TENM3: variants seen among roughly 807,000 people sequenced by gnomAD.
TENM3 encodes the protein teneurin transmembrane protein 3, also known as teneurin-3.
Under a neutral mutation model 255.1 loss-of-function variants are expected in TENM3, and 63 were observed. That is an observed-to-expected ratio of 0.25 (90% CI 0.20 to 0.30). The LOEUF is 0.30. Ranked by LOEUF, TENM3 falls within the 10% of genes least tolerant of loss-of-function variation. The probability of loss-of-function intolerance (pLI) is 1.00; values close to 1 mark genes in which losing one functional copy is unlikely to be tolerated. For missense variants in TENM3, 2,929 were observed against 3,461.1 expected (o/e 0.85, Z 3.86); for synonymous variants, 1,306 against 1,322.3 (o/e 0.99, Z 0.27).
intron 1 of TENM3, among the ~76,000 whole-genome samples, chr4:182,168,424 C>T (rs1373797930): frequency 1.3e-5 from 2 of 152,136 alleles, no homozygotes; most frequent in East Asian, 1.9e-4. Flanking sequence ...CATGAGCCAC[C>T]GTGCCCAGCC....
intron 3 of TENM3, among the ~76,000 whole-genome samples, chr4:182,518,646 G>A (rs1325192396): frequency 6.6e-6 from 1 of 152,130 alleles, no homozygotes; most frequent in Non-Finnish European, 1.5e-5. Context: ...GAATTGCAAG[G>A]AAATCCCCAA....
At chr4:181,915,690 G>C in the TENM3 span, among the ~76,000 whole-genome samples, 1 of 149,456 alleles carries the variant, frequency 6.7e-6, no homozygotes, top group Admixed American at 6.7e-5. Flanking sequence ...GAGGGGAAGG[G>C]GGGAGGGGAG....
intron 1 of TENM3, among the ~76,000 whole-genome samples, chr4:182,262,860 C>T (rs528087114): frequency 1.3e-5 from 2 of 151,852 alleles, no homozygotes; most frequent in Non-Finnish European, 2.9e-5. Flanking sequence ...ACTACAGGCA[C>T]CCACCACCAC....
chr4:182,459,284 C>A (rs1208127851), intron 3 of TENM3, among the ~76,000 whole-genome samples: 1 of 151,826 alleles, frequency 6.6e-6, no homozygotes, highest in Non-Finnish European at 1.5e-5. Context: ...GAAATGACTT[C>A]TGAAAAAGGC....
chr4:181,715,728 G>A, the TENM3 span, among the ~76,000 whole-genome samples: 5 of 152,282 alleles, frequency 3.3e-5, no homozygotes, highest in East Asian at 5.8e-4. Context: ...CAATCATTGG[G>A]ACAACAAAAA....
intron 1 of TENM3, among the ~76,000 whole-genome samples, chr4:182,225,601 A>C (rs1305330075): frequency 1.3e-5 from 2 of 152,178 alleles, no homozygotes; most frequent in African/African-American, 2.4e-5. Flanking sequence ...GATGAACACA[A>C]AATGATCTGA....
At chr4:181,888,608 GTGTGTGTGT>G in the TENM3 span, among the ~76,000 whole-genome samples, 1 of 132,868 alleles carries the variant, frequency 7.5e-6, no homozygotes, top group African/African-American at 2.9e-5. Flanking sequence ...GTGTGTGTGT[GTGTGTGTGT>G]GGAAAGAGAG....
chr4:182,319,295 T>C (rs887379302), intron 1 of TENM3, among the ~76,000 whole-genome samples: 1 of 152,318 alleles, frequency 6.6e-6, no homozygotes, highest in African/African-American at 2.4e-5. Flanking sequence ...TTTCTTAACC[T>C]TCTCGTCTTC....
chr4:182,040,702 C>T, the TENM3 span, among the ~76,000 whole-genome samples: 1 of 152,172 alleles, frequency 6.6e-6, no homozygotes, highest in Non-Finnish European at 1.5e-5. Flanking sequence ...CTCCCAGTTT[C>T]CATTTTTCTG....
chr4:182,165,048 A>G (rs943473283), intron 1 of TENM3, among the ~76,000 whole-genome samples: 2 of 152,180 alleles, frequency 1.3e-5, no homozygotes, highest in African/African-American at 4.8e-5. Flanking sequence ...TAATTAATTC[A>G]GAATCTCTAG....
chr4:182,348,398 C>T (rs1244316119), intron 3 of TENM3, among the ~76,000 whole-genome samples: 1 of 152,150 alleles, frequency 6.6e-6, no homozygotes, highest in Non-Finnish European at 1.5e-5. Flanking sequence ...ATAAATATTG[C>T]TTCCTGTCCA....
chr4:182,386,365 G>A (rs576336111), intron 3 of TENM3, among the ~76,000 whole-genome samples: 41 of 152,336 alleles, frequency 2.7e-4, no homozygotes, highest in African/African-American at 9.6e-4. Flanking sequence ...AAGAAAGAAT[G>A]ATATATAAAA....
At chr4:181,980,709 A>T in the TENM3 span, among the ~76,000 whole-genome samples, 8 of 152,212 alleles carry the variant, frequency 5.3e-5, no homozygotes, top group African/African-American at 1.7e-4. Context: ...GTAAAATATC[A>T]ATTAGTCATT....
the TENM3 span, among the ~76,000 whole-genome samples, chr4:181,920,377 A>G: frequency 2.0e-5 from 3 of 151,810 alleles, no homozygotes; most frequent in South Asian, 6.2e-4. Context: ...CTATTTCTCC[A>G]CATCCTCTCC....
intron 3 of TENM3, among the ~76,000 whole-genome samples, chr4:182,538,416 G>A (rs1024383927): frequency 6.6e-6 from 1 of 152,146 alleles, no homozygotes; most frequent in Non-Finnish European, 1.5e-5. Flanking sequence ...GACATACCTG[G>A]GGACGGAGGA....
chr4:181,832,416 G>A, the TENM3 span, among the ~76,000 whole-genome samples: 1 of 152,168 alleles, frequency 6.6e-6, no homozygotes, highest in South Asian at 2.1e-4. Context: ...TAAAGCATAA[G>A]AAAACGGGCT....
the TENM3 span, among the ~76,000 whole-genome samples, chr4:182,075,808 T>C: frequency 6.6e-6 from 1 of 152,242 alleles, no homozygotes; most frequent in African/African-American, 2.4e-5. Flanking sequence ...TTTCATCGTG[T>C]GCTTCCCAAC....
the TENM3 span, among the ~76,000 whole-genome samples, chr4:181,955,191 A>G: frequency 3.3e-5 from 5 of 152,226 alleles, no homozygotes; most frequent in Admixed American, 1.3e-4. Context: ...GGACATAATA[A>G]TTATACAATT....
chr4:182,743,786 T>C (rs1469988000), intron 19 of TENM3, among the ~76,000 whole-genome samples: 1 of 152,176 alleles, frequency 6.6e-6, no homozygotes, highest in African/African-American at 2.4e-5. Context: ...GCATAAAATA[T>C]TTTCCTGTGA....
Sources: gnomAD v4.1 joint callset for allele counts (sites outside exome capture counted in the v4.1 genomes callset) on GRCh38, gnomAD v4.1.1 for gene constraint, MANE v1.5 for transcripts, NCBI Gene and HGNC (gene_info 2026-07-23, HGNC 2026-07-21) for gene names.